UNC5D: variants seen among roughly 807,000 people sequenced by gnomAD.
UNC5D encodes netrin receptor UNC5D.
A neutral mutation model predicts 105.4 loss-of-function variants in UNC5D; 39 were observed. That is an observed-to-expected ratio of 0.37 (90% CI 0.29 to 0.48). The LOEUF (loss-of-function observed/expected upper bound fraction) is 0.48. UNC5D is among the 20% of genes least tolerant of loss of function. The pLI is 0.98. For missense variants in UNC5D, 991 were observed against 1,202.4 expected, an observed-to-expected ratio of 0.82 and a Z score of 2.60; for synonymous variants, 452 against 450.4, an observed-to-expected ratio of 1.00 and a Z score of -0.04.
chr8:35,310,557 T>C (rs1808797524), intron 1 of UNC5D, among the ~76,000 whole-genome samples: 1 of 152,090 alleles, frequency 6.6e-6, no homozygotes, highest in African/African-American at 2.4e-5. Context: ...GAGGCTGAGG[T>C]TGCAGTGAGT....
At chr8:35,280,729 T>A (rs1806089573) in intron 1 of UNC5D, among the ~76,000 whole-genome samples, 1 of 152,202 alleles carries the variant, frequency 6.6e-6, no homozygotes, top group Admixed American at 6.5e-5. Context: ...CCTCTTTTCA[T>A]TTCTATTGCC....
At chr8:35,481,616 T>C (rs1283891510) in intron 1 of UNC5D, among the ~76,000 whole-genome samples, 1 of 152,126 alleles carries the variant, frequency 6.6e-6, no homozygotes. Context: ...AACCTTTGAG[T>C]TCAGATGTAA....
chr8:35,512,576 T>G, intron 1 of UNC5D, among the ~76,000 whole-genome samples: 1 of 128,392 alleles, frequency 7.8e-6, no homozygotes, highest in African/African-American at 3.0e-5. Context: ...TATATCTGAA[T>G]AGATTACTAA....
chr8:35,778,288 C>T (rs1457307839), intron 16 of UNC5D, among the ~76,000 whole-genome samples: 2 of 152,148 alleles, frequency 1.3e-5, no homozygotes, highest in Non-Finnish European at 2.9e-5. Flanking sequence ...TCACAGTCAC[C>T]TTGCACTCTC....
intron 1 of UNC5D, among the ~76,000 whole-genome samples, chr8:35,376,878 C>G (rs1450175981): frequency 1.3e-5 from 2 of 152,190 alleles, no homozygotes; most frequent in Non-Finnish European, 2.9e-5. Flanking sequence ...CCACGACTTA[C>G]CATCCTCTAA....
In UNC5D at chr8:35,656,666, TC is replaced by T. The variant is rs199553969; in HGVS notation, c.571-26880del. Among the ~76,000 whole-genome samples the T allele has an allele frequency of 5.8e-3, 888 of 152,242 alleles. 3 individuals carry two copies. The highest frequency in any genetic ancestry group is 0.021 in the African/African-American group (856 of 41,542). On this transcript the variant is annotated intron_variant, in intron 4 of 16. Transcript: ENST00000404895. The stretch of plus-strand genomic sequence containing the variant: ...TGCACCTGTTACCATAGGATTTGGA[TC>T]TAATCTAGAATCTGTGTCTCTCCCT...
chr8:35,634,322 A>G (rs193151445), intron 4 of UNC5D, among the ~76,000 whole-genome samples: 1 of 152,330 alleles, frequency 6.6e-6, no homozygotes, highest in Non-Finnish European at 1.5e-5. Context: ...TGGCTTGCAC[A>G]TTTTTACTTC....
intron 11 of UNC5D, among the ~76,000 whole-genome samples, chr8:35,734,640 C>A (rs1829368732): frequency 6.6e-6 from 1 of 152,064 alleles, no homozygotes; most frequent in Non-Finnish European, 1.5e-5. Flanking sequence ...GAACTCCCGA[C>A]CTCAGGTGAT....
chr8:35,694,660 A>G (rs906834118), intron 7 of UNC5D, among the ~76,000 whole-genome samples: 1 of 152,128 alleles, frequency 6.6e-6, no homozygotes, highest in African/African-American at 2.4e-5. Context: ...TTCCCTCCAT[A>G]GTAAGCACTC....
chr8:35,308,112 ATGTATGTGTGTGTGTGTG>A (rs1416483730), intron 1 of UNC5D, among the ~76,000 whole-genome samples: 2 of 147,682 alleles, frequency 1.4e-5, no homozygotes, highest in South Asian at 2.2e-4. Flanking sequence ...CTATGTCACA[ATGTATGTGTGTGTGTGTG>A]TGTGTGTGTG....
chr8:35,403,318 G>A (rs1276761593), intron 1 of UNC5D, among the ~76,000 whole-genome samples: 1 of 152,146 alleles, frequency 6.6e-6, no homozygotes, highest in Non-Finnish European at 1.5e-5. Flanking sequence ...TGGCAGTCTG[G>A]GCAGCTAAAG....
intron 1 of UNC5D, among the ~76,000 whole-genome samples, chr8:35,380,365 G>T (rs992151378): frequency 6.6e-6 from 1 of 151,686 alleles, no homozygotes; most frequent in Non-Finnish European, 1.5e-5. Context: ...CATATTGGAG[G>T]TTAGAGCCTT....
intron 3 of UNC5D, among the ~76,000 whole-genome samples, chr8:35,584,393 T>C (rs1038345745): frequency 1.4e-5 from 2 of 146,460 alleles, no homozygotes; most frequent in African/African-American, 5.4e-5. Flanking sequence ...TTTTTGTTTG[T>C]TTGTTTTGTT....
intron 1 of UNC5D, among the ~76,000 whole-genome samples, chr8:35,249,559 A>AAATAATAAT (rs148177480): frequency 0.018 from 2,520 of 142,578 alleles, 26 homozygotes; most frequent in Non-Finnish European, 0.019. Context: ...CTCTGTCTCA[A>AAATAATAAT]AATAATAATA....
At chr8:35,477,356 T>G (rs976277495) in intron 1 of UNC5D, among the ~76,000 whole-genome samples, 2 of 152,020 alleles carry the variant, frequency 1.3e-5, no homozygotes, top group African/African-American at 2.4e-5. Context: ...CTTTTTTTTT[T>G]GTTTGGTCTT....
intron 4 of UNC5D, among the ~76,000 whole-genome samples, chr8:35,606,708 G>T (rs557104486): frequency 2.9e-3 from 442 of 152,306 alleles, no homozygotes; most frequent in Non-Finnish European, 3.7e-3. Flanking sequence ...AAGAACAAAA[G>T]AGAGAAGAAT....
At chr8:35,238,290 A>G (rs1411758496) in intron 1 of UNC5D, among the ~76,000 whole-genome samples, 1 of 152,042 alleles carries the variant, frequency 6.6e-6, no homozygotes, top group African/African-American at 2.4e-5. Context: ...TCTGCAAATC[A>G]GAGGGAGATT....
chr8:35,785,767 A>C (rs1201618248), intron 16 of UNC5D, among the ~76,000 whole-genome samples: 1 of 152,210 alleles, frequency 6.6e-6, no homozygotes, highest in Non-Finnish European at 1.5e-5. Flanking sequence ...GAACAGAGAA[A>C]GTAAGACTTT....
In UNC5D at chr8:35,759,506, G is replaced by C. The variant is rs112164339; in HGVS notation, c.2313+37G>C. ...ATGGGTTTCTAACAGAAACGGCTTT[G>C]CTTTAACCGGCAAGCATGTCACAGA... On this transcript the variant is annotated intron_variant, in intron 14 of 16. Transcript: ENST00000404895. The C allele has an allele frequency of 1.0e-5, 16 of 1,590,790 alleles. No homozygotes were observed. In the Middle Eastern group the frequency reaches 5.0e-4, roughly 50 times the overall value.
Sources: gnomAD v4.1 joint callset for allele counts (sites outside exome capture counted in the v4.1 genomes callset) on GRCh38, gnomAD v4.1.1 for gene constraint, MANE v1.5 for transcripts, NCBI Gene and HGNC (gene_info 2026-07-23, HGNC 2026-07-21) for gene names.